Variants in PIEZO2 observed in about 807,000 individuals in gnomAD.
PIEZO2 encodes piezo-type mechanosensitive ion channel component 2.
PIEZO2 carries 172 observed loss-of-function variants against 337.3 expected under a neutral mutation model. The ratio of observed to expected loss-of-function variants is 0.51; its 90% confidence interval spans 0.45 to 0.58. The LOEUF is 0.58. PIEZO2 is among the 20% of genes least tolerant of loss of function. PIEZO2 has a pLI of 0.00. For synonymous variants in PIEZO2, 1,251 were observed against 1,228.5 expected, an observed-to-expected ratio of 1.02 and a Z score of -0.38; for missense variants, 3,028 against 3,391.3, an observed-to-expected ratio of 0.89 and a Z score of 2.66.
At position 10,993,431 on chromosome 18, in the gene PIEZO2, T is replaced by C. The variant is rs1185996013; in HGVS notation, c.161-13771A>G. Among the ~76,000 whole-genome samples, 1 of 152,198 alleles carries C rather than the reference T, an allele frequency of 6.6e-6. No homozygotes were observed. The highest frequency in any genetic ancestry group is 6.5e-5 in the Admixed American group (1 of 15,274). ...GTTTTTAGCATGAAGGGGTGTTGAA[T>C]TTTGTTGAAAGCCTTTTCTGCATCT... On this transcript the variant is annotated intron_variant, in intron 2 of 55. Transcript: ENST00000674853. This position sits in a 1 kb window ranked among gnomAD's most constrained non-coding sequence, Gnocchi z 5.0.
chr18:10,714,099 G>T (rs1307578468), intron 39 of PIEZO2, among the ~76,000 whole-genome samples: 1 of 152,096 alleles, frequency 6.6e-6, no homozygotes, highest in Non-Finnish European at 1.5e-5. Context: ...GTGACTTTGG[G>T]TATGTTTCTT....
At position 11,129,534 on chromosome 18, in the gene PIEZO2, A is replaced by G. The variant is rs1045922167; in HGVS notation, c.64+18991T>C. On this transcript the variant is annotated intron_variant, in intron 1 of 55. Coordinates refer to ENST00000674853, the MANE Select transcript of PIEZO2 (RefSeq NM_001378183.1). The surrounding 1 kb of genome is among the most constrained non-coding windows in gnomAD (Gnocchi z 4.6). ...GGACAAAAGACTAATTTGAATTATA[A>G]AAACAGAATCACAGCCCCTCAATCA... Among the ~76,000 whole-genome samples, 9 of 152,202 alleles carry G rather than the reference A, an allele frequency of 5.9e-5. No homozygotes were observed. The highest frequency in any genetic ancestry group is 2.2e-4 in the African/African-American group (9 of 41,456).
chr18:10,774,399 G>T lies in PIEZO2; in HGVS notation c.2535-361C>A, dbSNP rs528785103. On this transcript the variant is annotated intron_variant, in intron 18 of 55. Coordinates refer to ENST00000674853, the MANE Select transcript of PIEZO2 (RefSeq NM_001378183.1). ...GTTTTTAAAAATTTCTTGAAAGAAT[G>T]TGTGCTTTCAGTCAACCTTTGTGTA... 2.0e-5 allele frequency among the ~76,000 whole-genome samples: 3 copies of T among 152,280 alleles called. No homozygotes were observed. In the East Asian group the frequency reaches 5.8e-4, roughly 29 times the overall value.
intron 2 of PIEZO2, among the ~76,000 whole-genome samples, chr18:11,012,824 C>T (rs905751734): frequency 6.6e-5 from 10 of 152,188 alleles, no homozygotes; most frequent in Non-Finnish European, 1.3e-4. Context: ...GTGGAAAGAT[C>T]ACTTGAGCCC....
chr18:10,983,389 G>C (rs557025429), intron 2 of PIEZO2, among the ~76,000 whole-genome samples: 20 of 152,250 alleles, frequency 1.3e-4, no homozygotes, highest in African/African-American at 4.6e-4. Flanking sequence ...CCTCCCTCAA[G>C]GTGGCACAAC....
intron 3 of PIEZO2, among the ~76,000 whole-genome samples, chr18:10,975,337 T>C (rs886549144): frequency 4.6e-5 from 7 of 152,214 alleles, no homozygotes; most frequent in Non-Finnish European, 1.0e-4. Context: ...CGGGTTTACA[T>C]TTATTTAAGT....
intron 54 of PIEZO2, 115 bp downstream of exon 54, chr18:10,675,094 C>T: frequency 1.5e-6 from 1 of 654,002 alleles, no homozygotes; most frequent in East Asian, 3.1e-5. Context: ...TATAGTCTGT[C>T]ACACAGGGAG....
chr18:10,718,850 C>G (rs1434256445), intron 36 of PIEZO2, among the ~76,000 whole-genome samples: 1 of 151,850 alleles, frequency 6.6e-6, no homozygotes, highest in African/African-American at 2.4e-5. Context: ...AAAATATTAG[C>G]TGGGTGTGGT....
chr18:10,689,836 C>A, intron 48 of PIEZO2, 34 bp from the exon 49 acceptor site: 2 of 1,575,944 alleles, frequency 1.3e-6, no homozygotes, highest in South Asian at 1.2e-5. Context: ...GAGAGACATT[C>A]GTGGGTGGCC....
chr18:10,917,634 A>T (rs1229922357), intron 3 of PIEZO2, among the ~76,000 whole-genome samples: 1 of 152,190 alleles, frequency 6.6e-6, no homozygotes, highest in Non-Finnish European at 1.5e-5. Context: ...GTTTTTCATG[A>T]AGCATGTCTC....
chr18:10,977,793 T>A (rs1438787411), intron 3 of PIEZO2, among the ~76,000 whole-genome samples: 1 of 152,342 alleles, frequency 6.6e-6, no homozygotes, highest in South Asian at 2.1e-4. Flanking sequence ...GAAAACTTTA[T>A]GCTAAATTAA....
At position 10,850,139 on chromosome 18, in the gene PIEZO2, T is replaced by C. The variant is rs905400439; in HGVS notation, c.917+5214A>G. On this transcript the variant is annotated intron_variant, in intron 7 of 55. Coordinates refer to ENST00000674853, the MANE Select transcript of PIEZO2 (RefSeq NM_001378183.1). The surrounding 1 kb of genome is among the most constrained non-coding windows in gnomAD (Gnocchi z 4.5). ...TATGCTCGTGCCACACCTGTGTGCA[T>C]AAACGGAAGGGAATCACTAATTCTC... 6.6e-6 allele frequency among the ~76,000 whole-genome samples: 1 copy of C among 152,174 alleles called. No individual in the cohort carries two copies. The highest frequency in any genetic ancestry group is 1.9e-4 in the East Asian group (1 of 5,200).
At chr18:10,799,584 T>C (rs921605950) in intron 11 of PIEZO2, among the ~76,000 whole-genome samples, 1 of 152,162 alleles carries the variant, frequency 6.6e-6, no homozygotes, top group Non-Finnish European at 1.5e-5. Flanking sequence ...AGTGGTCTCC[T>C]TCAACATAAA....
chr18:11,100,297 G>A (rs1212873197), intron 1 of PIEZO2, among the ~76,000 whole-genome samples: 1 of 152,208 alleles, frequency 6.6e-6, no homozygotes, highest in Non-Finnish European at 1.5e-5. Flanking sequence ...AATAATTGAT[G>A]TTTCAACAGA....
At chr18:10,711,930 T>C (rs1432221300) in intron 39 of PIEZO2, among the ~76,000 whole-genome samples, 1 of 152,210 alleles carries the variant, frequency 6.6e-6, no homozygotes, top group Admixed American at 6.5e-5. Context: ...TACAGAGCAG[T>C]ACAGTCCAAA....
rs2036575827 is a variant in PIEZO2, at chr18:10,727,160, G to C, written c.5029+4247C>G. Reference sequence around the variant, plus strand: ...TCTGCAGCAGCATGTCTGGCAAACTGAGTCGCCCTCCTGCCTCCAGCTCTG... The same window carrying C: ...TCTGCAGCAGCATGTCTGGCAAACTCAGTCGCCCTCCTGCCTCCAGCTCTG... On this transcript the variant is annotated intron_variant, in intron 36 of 55. Coordinates refer to ENST00000674853, the MANE Select transcript of PIEZO2 (RefSeq NM_001378183.1). This position sits in a 1 kb window ranked among gnomAD's most constrained non-coding sequence, Gnocchi z 6.3. The C allele has an allele frequency of 1.4e-5, 6 of 416,340 alleles. No individual in the cohort carries two copies. Among genetic ancestry groups the C allele is most frequent in the Non-Finnish European group, 2.5e-5 (6 of 238,118 alleles). 25.8% of individuals were successfully genotyped at this position (416,340 alleles called of 1,614,324 possible). A position where few individuals can be genotyped will look rare whatever the true frequency, so the allele number is the denominator to read the frequency against.
chr18:10,840,996 A>G (rs1415736932), intron 7 of PIEZO2, among the ~76,000 whole-genome samples: 1 of 152,220 alleles, frequency 6.6e-6, no homozygotes, highest in Non-Finnish European at 1.5e-5. Flanking sequence ...AGGTTCCTCA[A>G]TGTGTTTGCC....
At position 10,824,340 on chromosome 18, in the gene PIEZO2, C is replaced by T. The variant is rs569296827; in HGVS notation, c.918-17066G>A. Among the ~76,000 whole-genome samples, 1 of 152,264 alleles carries T rather than the reference C, an allele frequency of 6.6e-6. No homozygotes were observed. The highest frequency in any genetic ancestry group is 1.5e-5 in the Non-Finnish European group (1 of 68,010). ...CTTAATATTTGCAGAGCCTTGGTTTCCCATCTGCAGCTTTCTCTGCTGGAG... is the reference window on the plus strand; with the variant it reads ...CTTAATATTTGCAGAGCCTTGGTTTTCCATCTGCAGCTTTCTCTGCTGGAG... On this transcript the variant is annotated intron_variant, in intron 7 of 55. Coordinates refer to ENST00000674853, the MANE Select transcript of PIEZO2 (RefSeq NM_001378183.1). This position sits in a 1 kb window ranked among gnomAD's most constrained non-coding sequence, Gnocchi z 4.4.
At chr18:10,906,634 C>T (rs1480929616) in intron 4 of PIEZO2, among the ~76,000 whole-genome samples, 1 of 151,900 alleles carries the variant, frequency 6.6e-6, no homozygotes, top group African/African-American at 2.4e-5. Context: ...GATTTGGGCT[C>T]ACTGCAACCT....
Sources: allele counts gnomAD v4.1 joint callset (sites outside exome capture counted in the v4.1 genomes callset), GRCh38; gene constraint gnomAD v4.1.1; non-coding constraint Gnocchi (gnomAD v3.1); transcripts MANE v1.5; gene names NCBI Gene and HGNC (gene_info 2026-07-23, HGNC 2026-07-21).